UBE2E2: variants seen among roughly 807,000 people sequenced by gnomAD.
UBE2E2 encodes ubiquitin-conjugating enzyme E2 E2.
A neutral mutation model predicts 24.7 loss-of-function variants in UBE2E2; 6 were observed. That is an observed-to-expected ratio of 0.24 (90% CI 0.13 to 0.48). The LOEUF is 0.48. Among genes scored for constraint, UBE2E2 ranks in the 20% least tolerant of loss-of-function variants. The probability of loss-of-function intolerance (pLI) is 0.99; values close to 1 mark genes in which losing one functional copy is unlikely to be tolerated. For missense variants in UBE2E2, 169 were observed against 245.0 expected (o/e 0.69, Z 2.07); for synonymous variants, 104 against 83.6 (o/e 1.24, Z -1.33).
chr3:23,251,300 C>T (rs1372869444), intron 3 of UBE2E2, among the ~76,000 whole-genome samples: 1 of 152,190 alleles, frequency 6.6e-6, no homozygotes, highest in Middle Eastern at 3.2e-3. Context: ...CCTCCCAACG[C>T]CCCCCTCAAA....
intron 3 of UBE2E2, among the ~76,000 whole-genome samples, chr3:23,265,320 T>C (rs1157520563): frequency 1.3e-5 from 2 of 152,142 alleles, no homozygotes; most frequent in African/African-American, 4.8e-5. Context: ...TTAGGGTGTC[T>C]TTCTCACTTC....
intron 3 of UBE2E2, among the ~76,000 whole-genome samples, chr3:23,437,134 G>A (rs557789037): frequency 2.8e-4 from 42 of 152,252 alleles, no homozygotes; most frequent in East Asian, 2.3e-3. Flanking sequence ...CTCTGGCCAC[G>A]TTGGCCTTCC....
chr3:23,433,671 A>G (rs1384775554), intron 3 of UBE2E2, among the ~76,000 whole-genome samples: 1 of 151,986 alleles, frequency 6.6e-6, no homozygotes, highest in Non-Finnish European at 1.5e-5. Flanking sequence ...TTAAGTTTTA[A>G]AAACACTGAG....
chr3:23,428,928 T>TAAAAAAAAA (rs34525850), intron 3 of UBE2E2, among the ~76,000 whole-genome samples: 3 of 75,904 alleles, frequency 4.0e-5, no homozygotes, highest in Admixed American at 1.6e-4. Flanking sequence ...CTCTGTCTCT[T>TAAAAAAAAA]AAAAAAAAAA....
At chr3:23,303,648 G>A (rs1307802362) in intron 3 of UBE2E2, among the ~76,000 whole-genome samples, 1 of 152,150 alleles carries the variant, frequency 6.6e-6, no homozygotes, top group Non-Finnish European at 1.5e-5. Context: ...TTATGCATGA[G>A]TGAGGGGTGC....
At chr3:23,203,149 A>C, upstream of UBE2E2, 1 of 983,744 alleles carries the variant, frequency 1.0e-6, no homozygotes, top group Non-Finnish European at 1.2e-6. Context: ...CGGCTCCCGG[A>C]GGTGGTGGCT....
intron 5 of UBE2E2, among the ~76,000 whole-genome samples, chr3:23,541,296 A>G (rs773964835): frequency 1.6e-4 from 25 of 152,224 alleles, no homozygotes; most frequent in Non-Finnish European, 3.1e-4. Context: ...AGCCTGGGCA[A>G]GGTGCTATCA....
chr3:23,379,279 A>G (rs1434428705), intron 3 of UBE2E2, among the ~76,000 whole-genome samples: 10 of 151,350 alleles, frequency 6.6e-5, no homozygotes, highest in Admixed American at 3.9e-4. Context: ...GTTTTAGGGT[A>G]CATGTGCACA....
At chr3:23,478,896 A>ATTT (rs5847235) in intron 3 of UBE2E2, among the ~76,000 whole-genome samples, 110 of 120,532 alleles carry the variant, frequency 9.1e-4, no homozygotes, top group African/African-American at 2.8e-3. Flanking sequence ...ATATATATAT[A>ATTT]TTTTTTTTTT....
intron 3 of UBE2E2, among the ~76,000 whole-genome samples, chr3:23,273,471 C>T (rs1023258601): frequency 6.7e-5 from 10 of 149,948 alleles, no homozygotes; most frequent in African/African-American, 2.5e-4. Flanking sequence ...GTGGAGCTTG[C>T]AGTGAGCCGA....
rs551306490 is a variant in UBE2E2, at chr3:23,347,668, A to G, written c.227+130356A>G. 1.1e-4 allele frequency among the ~76,000 whole-genome samples: 17 copies of G among 152,272 alleles called. No individual in the cohort carries two copies. The East Asian group carries it at 2.9e-3, about 26-fold the overall frequency. ...GTATACCTATGTAACAAACCTGCAC[A>G]TTGTGCACATGTACCCTAAAACTTA... On this transcript the variant is annotated intron_variant, in intron 3 of 5. Coordinates refer to ENST00000396703, the MANE Select transcript of UBE2E2 (RefSeq NM_152653.4).
intron 3 of UBE2E2, among the ~76,000 whole-genome samples, chr3:23,389,098 C>T (rs1175709673): frequency 6.6e-6 from 1 of 152,146 alleles, no homozygotes; most frequent in African/African-American, 2.4e-5. Flanking sequence ...TACCCTGGTC[C>T]CACAGGGGCA....
intron 3 of UBE2E2, among the ~76,000 whole-genome samples, chr3:23,434,607 A>G (rs1165580193): frequency 6.6e-6 from 1 of 152,132 alleles, no homozygotes; most frequent in East Asian, 1.9e-4. Flanking sequence ...ATATTTTATA[A>G]TTTTCCTCTC....
At chr3:23,327,535 G>A (rs1360119174) in intron 3 of UBE2E2, among the ~76,000 whole-genome samples, 1 of 152,122 alleles carries the variant, frequency 6.6e-6, no homozygotes, top group Non-Finnish European at 1.5e-5. Context: ...CTTTTAACTA[G>A]GACAAATACT....
At chr3:23,217,199 A>G in intron 2 of UBE2E2, 63 bp from the exon 3 acceptor site, 2 of 1,409,160 alleles carry the variant, frequency 1.4e-6, no homozygotes, top group Non-Finnish European at 2.0e-6. Flanking sequence ...TAACGTTTTA[A>G]TGAAATAAAT....
At chr3:23,548,655 G>A (rs779545366) in intron 5 of UBE2E2, among the ~76,000 whole-genome samples, 2 of 152,064 alleles carry the variant, frequency 1.3e-5, no homozygotes, top group African/African-American at 2.4e-5. Flanking sequence ...TTCTGCTGCT[G>A]TTTCTCTTCT....
At chr3:23,475,537 C>G (rs1699110483) in intron 3 of UBE2E2, among the ~76,000 whole-genome samples, 1 of 151,978 alleles carries the variant, frequency 6.6e-6, no homozygotes, top group South Asian at 2.1e-4. Flanking sequence ...TCAGGGTGAT[C>G]TTTTTCATAT....
chr3:23,239,093 T>A (rs1328628323), intron 3 of UBE2E2, among the ~76,000 whole-genome samples: 1 of 152,164 alleles, frequency 6.6e-6, no homozygotes, highest in Non-Finnish European at 1.5e-5. Flanking sequence ...CTAAGTAGTT[T>A]TATATTTCCC....
At chr3:23,246,021 A>T (rs1183439371) in intron 3 of UBE2E2, among the ~76,000 whole-genome samples, 1 of 152,168 alleles carries the variant, frequency 6.6e-6, no homozygotes, top group Non-Finnish European at 1.5e-5. Flanking sequence ...TGTTGAAAAT[A>T]ATCAATATTT....
Sources: allele counts gnomAD v4.1 joint callset (sites outside exome capture counted in the v4.1 genomes callset), GRCh38; gene constraint gnomAD v4.1.1; transcripts MANE v1.5; gene names NCBI Gene and HGNC (gene_info 2026-07-23, HGNC 2026-07-21).